DUSP4: variants seen among roughly 807,000 people sequenced by gnomAD.
DUSP4 encodes the protein dual specificity phosphatase 4, also known as dual specificity protein phosphatase 4.
Under a neutral mutation model 27.2 loss-of-function variants are expected in DUSP4, and 12 were observed. That is an observed-to-expected ratio of 0.44 (90% CI 0.28 to 0.71). The LOEUF is 0.71. Among genes scored for constraint, DUSP4 ranks in the 30% least tolerant of loss-of-function variants. The pLI, the probability that DUSP4 is intolerant of heterozygous loss-of-function variation, is 0.14. For synonymous variants in DUSP4, 257 were observed against 245.2 expected, an observed-to-expected ratio of 1.05 and a Z score of -0.45; for missense variants, 448 against 551.3, an observed-to-expected ratio of 0.81 and a Z score of 1.88.
chr8:29,348,640 G>A, intron 1 of DUSP4: 1 of 985,446 alleles, frequency 1.0e-6, no homozygotes, highest in Non-Finnish European at 1.2e-6. Flanking sequence ...GAACAGTTTT[G>A]TTGTGCTTTT....
chr8:29,339,634 C>T (rs1455963715), intron 2 of DUSP4, among the ~76,000 whole-genome samples: 1 of 152,058 alleles, frequency 6.6e-6, no homozygotes, highest in East Asian at 1.9e-4. Context: ...GTAAATAGGT[C>T]CTACCTAACA....
chr8:29,347,420 A>T (rs1490836465), intron 1 of DUSP4, among the ~76,000 whole-genome samples: 1 of 152,242 alleles, frequency 6.6e-6, no homozygotes, highest in Non-Finnish European at 1.5e-5. Flanking sequence ...CATATGTCAA[A>T]ATCAGCTAAG....
Position 29,337,518 on chromosome 8 carries a change from C to G in DUSP4, c.800-107G>C, listed in dbSNP as rs145258672. ...GGGGGGCTCTGAAGGAAGGACTAGC[C>G]GTGCTAGACCAAGGACTGGAGAGGA... On this transcript the variant is annotated intron_variant, in intron 3 of 3. Transcript: ENST00000240100. This position sits in a 1 kb window ranked among gnomAD's most constrained non-coding sequence, Gnocchi z 6.4. 5.6e-6 allele frequency: 8 copies of G among 1,441,052 alleles called. No homozygotes were observed. Among genetic ancestry groups the G allele is most frequent in the Admixed American group, 4.8e-5 (2 of 41,886 alleles). The allele number at this position is 1,441,052 out of a possible 1,614,324, so 89.3% of individuals were successfully genotyped here.
intron 1 of DUSP4, among the ~76,000 whole-genome samples, chr8:29,341,127 T>C (rs1426765710): frequency 6.6e-6 from 1 of 152,192 alleles, no homozygotes; most frequent in East Asian, 1.9e-4. Flanking sequence ...CAATCCACAG[T>C]GCTATCAATG....
chr8:29,338,510 A>G lies in DUSP4; in HGVS notation c.580-9T>C, dbSNP rs1817612098. On this transcript the variant is annotated splice_polypyrimidine_tract_variant and intron_variant, in intron 2 of 3. Coordinates refer to ENST00000240100, the MANE Select transcript of DUSP4 (RefSeq NM_001394.7). ...ATCTCCACAGGACCCCCCTGCACAG[A>G]AAGGGAAACAAAGGCCCCTGAATGA... 1 of 1,610,118 alleles carries G rather than the reference A, an allele frequency of 6.2e-7. No homozygotes were observed.
At chr8:29,343,167 C>CA (rs3052311) in intron 1 of DUSP4, among the ~76,000 whole-genome samples, 19,465 of 86,294 alleles carry the variant, frequency 0.23, 2,596 homozygotes, top group African/African-American at 0.35. Flanking sequence ...GACTCCATCT[C>CA]AAAAAAAAAA....
intron 1 of DUSP4, chr8:29,345,517 CT>C: frequency 6.4e-7 from 1 of 1,573,412 alleles, no homozygotes; most frequent in Non-Finnish European, 8.6e-7. Flanking sequence ...TTGGAGTGAA[CT>C]TTTCTTCCCA....
Position 29,336,513 on chromosome 8 carries a change from AG to A in DUSP4, c.*512del, listed in dbSNP as rs148484478. On this transcript the variant is annotated 3_prime_UTR_variant, in exon 4 of 4. Coordinates refer to ENST00000240100, the MANE Select transcript of DUSP4 (RefSeq NM_001394.7). ...ATAATTATTCATCTGTTGGTGACTG[AG>A]AAATGAAAACCACACCTTCGAAGAT... The A allele has an allele frequency of 4.6e-3, 702 of 153,066 alleles. 5 individuals are homozygous for A. Among genetic ancestry groups the A allele is most frequent in the African/African-American group, 0.015 (610 of 41,586 alleles). 9.5% of individuals were successfully genotyped at this position (153,066 alleles called of 1,614,324 possible).
intron 1 of DUSP4, chr8:29,345,462 C>A (rs140014444): frequency 6.2e-7 from 1 of 1,613,830 alleles, no homozygotes; most frequent in Admixed American, 1.7e-5. Context: ...GCAGTCTCTC[C>A]CAGTCCTCCT....
rs897413956 is a variant in DUSP4 at position 29,337,929 on chromosome 8, C to T, written c.799+353G>A. 5.9e-5 allele frequency among the ~76,000 whole-genome samples: 9 copies of T among 151,722 alleles called. No individual in the cohort carries two copies. Among genetic ancestry groups the T allele is most frequent in the African/African-American group, 9.7e-5 (4 of 41,280 alleles). ...TGGCGCCACTGCACTCCAGCCTGGG[C>T]AACAGAGCAAGGCTCTGTCTCAAAA... On this transcript the variant is annotated intron_variant, in intron 3 of 3. Transcript: ENST00000240100. This position sits in a 1 kb window ranked among gnomAD's most constrained non-coding sequence, Gnocchi z 6.4.
At position 29,335,421 on chromosome 8, in the gene DUSP4, T is replaced by C. The variant is rs1817558076; in HGVS notation, c.*1605A>G. On this transcript the variant is annotated 3_prime_UTR_variant, in exon 4 of 4. Transcript: ENST00000240100. ...CACCCTGGCGCTTTGATTTCCAGTT[T>C]GGGAAATTCATACCAATGGAATCCG... The C allele has an allele frequency of 6.6e-6, 1 of 152,238 alleles. No homozygotes were observed. The highest frequency in any genetic ancestry group is 1.5e-5 in the Non-Finnish European group (1 of 68,038). The allele number at this position is 152,238 out of a possible 1,614,324, so 9.4% of individuals were successfully genotyped here.
intron 1 of DUSP4, among the ~76,000 whole-genome samples, chr8:29,343,085 G>A (rs771985930): frequency 2.0e-5 from 3 of 150,216 alleles, no homozygotes; most frequent in Non-Finnish European, 4.4e-5. Flanking sequence ...GGAGAATGGC[G>A]TGAACCTGGG....
Position 29,340,178 on chromosome 8 carries a change from T to C in DUSP4, c.499A>G (p.Ile167Val). The stretch of plus-strand genomic sequence containing the variant: ...GCACTGGGGGGAACCGGGGGTGGGA[T>C]GGCTGCCAGGGCCTTGGTTTTAGAA... ...FCSKTKALAA[I>V]PPPVPPSATE... The change falls in exon 2 of 4, where the codon ATC becomes GTC. Residue 167 changes from isoleucine to valine, a missense_variant. Coordinates refer to ENST00000240100, the MANE Select transcript of DUSP4 (RefSeq NM_001394.7). The C allele has an allele frequency of 6.2e-7, 1 of 1,613,150 alleles. No homozygotes were observed. The highest frequency in any genetic ancestry group is 8.5e-7 in the Non-Finnish European group (1 of 1,179,652).
rs1817539446 is a variant in DUSP4, at chr8:29,334,384, C to T, written c.*2642G>A. ...ACGAAAGAACAATTTTTAAAAAGTCCCTCTTTTCAATCAAGCCAATGTCCT... is the reference window on the plus strand; with the variant it reads ...ACGAAAGAACAATTTTTAAAAAGTCTCTCTTTTCAATCAAGCCAATGTCCT... On this transcript the variant is annotated 3_prime_UTR_variant, in exon 4 of 4. Transcript: ENST00000240100. 6.6e-6 allele frequency: 1 copy of T among 152,168 alleles called. No homozygotes were observed. Among genetic ancestry groups the T allele is most frequent in the African/African-American group, 2.4e-5 (1 of 41,436 alleles). 9.4% of individuals were successfully genotyped at this position (152,168 alleles called of 1,614,324 possible).
Position 29,348,795 on chromosome 8 carries a change from G to A in DUSP4, c.433+1051C>T, listed in dbSNP as rs532100757. ...GCGGCTCTTTGATGGGTGTGGGGGG[G>A]TCTGAACTGCCTACCGGGCTCGGAA... is the stretch of plus-strand genomic sequence containing the variant. On this transcript the variant is annotated intron_variant, in intron 1 of 3. Transcript: ENST00000240100. 1.4e-4 allele frequency: 134 copies of A among 984,090 alleles called. No individual in the cohort carries two copies. In the African/African-American group the frequency reaches 1.6e-3, roughly 12 times the overall value. The allele number at this position is 984,090 out of a possible 1,614,324, so 61.0% of individuals were successfully genotyped here.
chr8:29,344,892 G>A (rs895912283), intron 1 of DUSP4, among the ~76,000 whole-genome samples: 6 of 151,550 alleles, frequency 4.0e-5, no homozygotes, highest in Non-Finnish European at 8.8e-5. Flanking sequence ...CCAGGCTGCA[G>A]TGCAGTGGCA....
chr8:29,348,479 G>T, intron 1 of DUSP4: 1 of 985,604 alleles, frequency 1.0e-6, no homozygotes, highest in Non-Finnish European at 1.2e-6. Context: ...CGCGGAAAAA[G>T]AAAGAAAAAT....
In DUSP4 at chr8:29,337,248, G is replaced by A. The variant is rs758646705; in HGVS notation, c.963C>T (p.Phe321=). ...ACTGCAGCAGCTGCCCCATGAAGCT[G>A]AAGTTGGGCGAGATGATGCTGCGGC... ...KQRRSIISPN[F]SFMGQLLQFE... The change falls in exon 4 of 4, where the codon TTC becomes TTT. Residue 321 remains phenylalanine (F), a synonymous_variant. Coordinates refer to ENST00000240100, the MANE Select transcript of DUSP4 (RefSeq NM_001394.7). This position sits in a 1 kb window ranked among gnomAD's most constrained non-coding sequence, Gnocchi z 6.4. 1.4e-5 allele frequency: 23 copies of A among 1,613,726 alleles called. No individual in the cohort carries two copies. The East Asian group carries it at 5.1e-4, about 36-fold the overall frequency.
At position 29,336,576 on chromosome 8, in the gene DUSP4, C is replaced by T. The variant is rs146871338; in HGVS notation, c.*450G>A. 3.8e-3 allele frequency: 591 copies of T among 156,272 alleles called. 10 individuals carry two copies. The highest frequency in any genetic ancestry group is 0.013 in the African/African-American group (559 of 41,718). 9.7% of individuals were successfully genotyped at this position (156,272 alleles called of 1,614,324 possible). ...AATGAAATTCCTTTAACTACAACAA[C>T]GACAACAAAGGGACAAGTACACAGA... On this transcript the variant is annotated 3_prime_UTR_variant, in exon 4 of 4. Coordinates refer to ENST00000240100, the MANE Select transcript of DUSP4 (RefSeq NM_001394.7).
Sources: allele counts gnomAD v4.1 joint callset (sites outside exome capture counted in the v4.1 genomes callset), GRCh38; gene constraint gnomAD v4.1.1; non-coding constraint Gnocchi (gnomAD v3.1); transcripts MANE v1.5; gene names NCBI Gene and HGNC (gene_info 2026-07-23, HGNC 2026-07-21).